Variants in CALD1 observed in about 807,000 individuals in gnomAD.
The protein encoded by CALD1 is caldesmon.
Under a neutral mutation model 99.9 loss-of-function variants are expected in CALD1, and 33 were observed. The ratio of observed to expected loss-of-function variants is 0.33; its 90% CI spans 0.25 to 0.44. The LOEUF (loss-of-function observed/expected upper bound fraction) is 0.44, where lower values mean the gene tolerates loss of function less well. CALD1 is among the 20% of genes least tolerant of loss of function. CALD1 has a pLI of 1.00. For missense variants in CALD1, 861 were observed against 962.1 expected (o/e 0.89, Z 1.39); for synonymous variants, 310 against 325.0 (o/e 0.95, Z 0.50).
chr7:134,904,204 C>T (rs766791356), intron 3 of CALD1, among the ~76,000 whole-genome samples: 1 of 151,916 alleles, frequency 6.6e-6, no homozygotes, highest in Non-Finnish European at 1.5e-5. Context: ...GCCTGGGGTA[C>T]AGAGCAAGAC....
At chr7:134,965,075 C>T (rs1808567291) in intron 13 of CALD1, 2 of 400,464 alleles carry the variant, frequency 5.0e-6, no homozygotes, top group Non-Finnish European at 9.4e-6. Context: ...AAGATCACGC[C>T]ACTACACTCC....
In CALD1 at chr7:134,758,857, C is replaced by G. The variant is rs147384356; in HGVS notation, c.-130+14494C>G. On this transcript the variant is annotated intron_variant, in intron 1 of 13. Transcript: ENST00000417172. ...ATAGCTCAGAGGATCTAGGCAGACA[C>G]CTGTCACTCAGCTCAGCACCCACAT... is the stretch of plus-strand genomic sequence containing the variant. Among the ~76,000 whole-genome samples, 677 of 152,208 alleles carry G rather than the reference C, an allele frequency of 4.4e-3. 10 individuals are homozygous for G. The highest frequency in any genetic ancestry group is 0.015 in the African/African-American group (621 of 41,514).
intron 1 of CALD1, among the ~76,000 whole-genome samples, chr7:134,788,604 G>A (rs895183720): frequency 6.6e-5 from 10 of 152,192 alleles, no homozygotes; most frequent in Admixed American, 2.6e-4. Context: ...CATGCTCCTA[G>A]AACATAAGCT....
chr7:134,756,580 C>T (rs976463089), intron 1 of CALD1, among the ~76,000 whole-genome samples: 5 of 151,996 alleles, frequency 3.3e-5, no homozygotes, highest in African/African-American at 1.2e-4. Context: ...ATATGGAGTT[C>T]TCACTTCTGA....
At position 134,968,524 on chromosome 7, in the gene CALD1, G is replaced by A. The variant is rs1177413174; in HGVS notation, c.*179G>A. On this transcript the variant is annotated 3_prime_UTR_variant, in exon 15 of 15. Transcript: ENST00000361675. ...TATTTAATAATCACAGTCTAGAGATGTTCATGGTAAAAGTACTGCCTTTGC... is the reference window on the plus strand; with the variant it reads ...TATTTAATAATCACAGTCTAGAGATATTCATGGTAAAAGTACTGCCTTTGC... The A allele has an allele frequency of 1.4e-6, 1 of 721,270 alleles. No individual in the cohort carries two copies. Among genetic ancestry groups the A allele is most frequent in the Non-Finnish European group, 2.5e-6 (1 of 393,056 alleles). The allele number at this position is 721,270 out of a possible 1,614,324, so 44.7% of individuals were successfully genotyped here.
At chr7:134,948,517 C>T (rs1353553249) in intron 8 of CALD1, among the ~76,000 whole-genome samples, 1 of 152,084 alleles carries the variant, frequency 6.6e-6, no homozygotes, top group Non-Finnish European at 1.5e-5. Flanking sequence ...TGAGGTACAT[C>T]GTTCTCATTT....
chr7:134,952,671 A>G (rs946869866), intron 9 of CALD1, among the ~76,000 whole-genome samples: 4 of 151,980 alleles, frequency 2.6e-5, no homozygotes, highest in African/African-American at 9.7e-5. Flanking sequence ...GGGTTTCACC[A>G]TATTGGCCAG....
the CALD1 span, among the ~76,000 whole-genome samples, chr7:134,722,570 T>C: frequency 6.6e-6 from 1 of 151,950 alleles, no homozygotes; most frequent in Non-Finnish European, 1.5e-5. Context: ...TACAGGAGCA[T>C]GCCACCACAC....
At chr7:134,717,811 G>A in the CALD1 span, among the ~76,000 whole-genome samples, 1 of 152,160 alleles carries the variant, frequency 6.6e-6, no homozygotes, top group Non-Finnish European at 1.5e-5. Flanking sequence ...ATTGCCTTTG[G>A]AGATTTCAAG....
intron 1 of CALD1, among the ~76,000 whole-genome samples, chr7:134,798,930 A>G (rs1301959371): frequency 1.3e-5 from 2 of 152,194 alleles, no homozygotes; most frequent in Non-Finnish European, 2.9e-5. Context: ...TTGGGGCTTT[A>G]TAACGTTCCC....
chr7:134,889,575 C>T (rs1802042232), intron 3 of CALD1, among the ~76,000 whole-genome samples: 1 of 152,106 alleles, frequency 6.6e-6, no homozygotes. Context: ...AGAAAACCAC[C>T]GACTTTTGTA....
chr7:134,768,422 T>C (rs922687585), intron 1 of CALD1, among the ~76,000 whole-genome samples: 6 of 152,194 alleles, frequency 3.9e-5, no homozygotes, highest in African/African-American at 1.4e-4. Flanking sequence ...GCTTAAGTTA[T>C]TACTCCTTAA....
At chr7:134,896,515 T>C (rs1431792224) in intron 3 of CALD1, among the ~76,000 whole-genome samples, 5 of 151,644 alleles carry the variant, frequency 3.3e-5, no homozygotes, top group Admixed American at 6.6e-5. Context: ...TACAAGATAT[T>C]GCAGCACTGC....
intron 1 of CALD1, among the ~76,000 whole-genome samples, chr7:134,784,317 C>T (rs1480329336): frequency 6.6e-6 from 1 of 152,184 alleles, no homozygotes; most frequent in East Asian, 1.9e-4. Context: ...CATTCCCCCT[C>T]GCTTGTCTCA....
At chr7:134,898,508 T>C (rs936705497) in intron 3 of CALD1, among the ~76,000 whole-genome samples, 2 of 152,224 alleles carry the variant, frequency 1.3e-5, no homozygotes, top group East Asian at 1.9e-4. Flanking sequence ...TAGATTTGAA[T>C]TGAAGAAACT....
intron 3 of CALD1, among the ~76,000 whole-genome samples, chr7:134,926,193 G>A (rs1050144427): frequency 6.6e-6 from 1 of 152,226 alleles, no homozygotes. Flanking sequence ...AGACACTGCA[G>A]TGTAGAATGC....
At chr7:134,736,158 G>A in the CALD1 span, among the ~76,000 whole-genome samples, 7 of 152,272 alleles carry the variant, frequency 4.6e-5, no homozygotes, top group African/African-American at 1.7e-4. Context: ...AAAGAGTGGA[G>A]GCAAAGGTTC....
chr7:134,835,767 T>C (rs1292309311), intron 1 of CALD1, among the ~76,000 whole-genome samples: 1 of 152,170 alleles, frequency 6.6e-6, no homozygotes, highest in East Asian at 1.9e-4. Context: ...GAGAGTCTAA[T>C]AGCATTAAAG....
the CALD1 span, among the ~76,000 whole-genome samples, chr7:134,715,325 T>A: frequency 1.3e-5 from 2 of 152,256 alleles, no homozygotes; most frequent in Non-Finnish European, 2.9e-5. Flanking sequence ...TATATTTGAA[T>A]GTCTTACAGT....
Sources: allele counts gnomAD v4.1 joint callset (sites outside exome capture counted in the v4.1 genomes callset), GRCh38; gene constraint gnomAD v4.1.1; transcripts MANE v1.5; gene names NCBI Gene and HGNC (gene_info 2026-07-23, HGNC 2026-07-21).